The following RPS6KA2 variants were observed in gnomAD, a reference collection of about 807,000 sequenced individuals.
The protein encoded by RPS6KA2 is ribosomal protein S6 kinase A2, also known as ribosomal protein S6 kinase alpha-2.
In RPS6KA2, 42 loss-of-function variants were observed where a neutral mutation model predicts 91.8. The observed-to-expected ratio is 0.46, with a 90% CI of 0.36 to 0.59. RPS6KA2 has a LOEUF of 0.59. Ranked by LOEUF, RPS6KA2 falls within the 20% of genes least tolerant of loss-of-function variation. The pLI, the probability that RPS6KA2 is intolerant of heterozygous loss-of-function variation, is 0.00. For missense variants in RPS6KA2, 798 were observed against 978.5 expected, an observed-to-expected ratio of 0.82 and a Z score of 2.46; for synonymous variants, 414 against 393.6, an observed-to-expected ratio of 1.05 and a Z score of -0.61.
rs1250124181 is a variant in RPS6KA2 at position 166,825,566 on chromosome 6, T to TAGC, written c.123+32633_123+32634insGCT. 3.0e-4 allele frequency among the ~76,000 whole-genome samples: 45 copies of TAGC among 151,678 alleles called. 1 individual carries two copies. In the East Asian group the frequency reaches 6.6e-3, roughly 22 times the overall value. ...GCTACTTACCCTAGACTGGGTGGCT[T>TAGC]TTAAACAACAGAAATGTAGTGGTCC... On this transcript the variant is annotated intron_variant, in intron 2 of 21. Transcript: ENST00000503859. This position sits in a 1 kb window ranked among gnomAD's most constrained non-coding sequence, Gnocchi z 4.1.
rs1035860089 is a variant in RPS6KA2, at chr6:166,612,689, G to A, written c.99+14232C>T. On this transcript the variant is annotated intron_variant, in intron 1 of 20. Coordinates refer to ENST00000265678, the MANE Select transcript of RPS6KA2 (RefSeq NM_021135.6). This position sits in a 1 kb window ranked among gnomAD's most constrained non-coding sequence, Gnocchi z 4.3. The stretch of plus-strand genomic sequence containing the variant: ...CGGGCGTCTGTTGTTACCCATGCTC[G>A]GGTAGGAAAATGCTGAGTGAAGGTA... Among the ~76,000 whole-genome samples the A allele has an allele frequency of 2.6e-5, 4 of 152,126 alleles. No individual in the cohort carries two copies. Among genetic ancestry groups the A allele is most frequent in the Non-Finnish European group, 5.9e-5 (4 of 68,016 alleles).
exon 1 of RPS6KA2, chr6:166,862,300 C>G (rs551373557): frequency 6.4e-7 from 1 of 1,559,522 alleles, no homozygotes. Flanking sequence ...CGGCGGGTGG[C>G]GGCGATGGAG....
At chr6:166,706,061 G>T (rs1789671574) in intron 2 of RPS6KA2, among the ~76,000 whole-genome samples, 1 of 152,172 alleles carries the variant, frequency 6.6e-6, no homozygotes, top group South Asian at 2.1e-4. Flanking sequence ...CTGGATCTGT[G>T]GGTTCCTCGA....
chr6:166,635,645 C>A lies in RPS6KA2; in HGVS notation c.124-96861G>T, dbSNP rs541522083. 2.0e-5 allele frequency among the ~76,000 whole-genome samples: 3 copies of A among 152,102 alleles called. No individual in the cohort carries two copies. The highest frequency in any genetic ancestry group is 6.5e-5 in the Admixed American group (1 of 15,280). ...GGGTGCTAGGTCACATGGTAGAGAGCCCCATGGAGTTTACCCCAGAAGAGG... is the reference window on the plus strand; with the variant it reads ...GGGTGCTAGGTCACATGGTAGAGAGACCCATGGAGTTTACCCCAGAAGAGG... On this transcript the variant is annotated intron_variant, in intron 2 of 21. Transcript: ENST00000503859. The surrounding 1 kb of genome is among the most constrained non-coding windows in gnomAD (Gnocchi z 4.8).
At chr6:166,455,446 G>A (rs951515788) in intron 12 of RPS6KA2, among the ~76,000 whole-genome samples, 3 of 152,292 alleles carry the variant, frequency 2.0e-5, no homozygotes, top group Middle Eastern at 3.4e-3. Context: ...TGAACCAAGA[G>A]GCAGCTAGAG....
chr6:166,848,711 G>A (rs9459775), intron 2 of RPS6KA2, among the ~76,000 whole-genome samples: 21,868 of 151,740 alleles, frequency 0.14, 1,692 homozygotes, highest in African/African-American at 0.17. Context: ...ATGAGAACAC[G>A]AAGGCATAAG....
chr6:166,440,534 GAACT>G, intron 14 of RPS6KA2, among the ~76,000 whole-genome samples: 1 of 152,288 alleles, frequency 6.6e-6, no homozygotes, highest in South Asian at 2.1e-4. Flanking sequence ...TTTCTAAACA[GAACT>G]AATATCAGAA....
chr6:166,470,627 A>G lies in RPS6KA2; in HGVS notation c.908-722T>C, dbSNP rs567558405. Among the ~76,000 whole-genome samples, 248 of 152,284 alleles carry G rather than the reference A, an allele frequency of 1.6e-3. 1 individual carries two copies. Among genetic ancestry groups the G allele is most frequent in the African/African-American group, 5.9e-3 (245 of 41,554 alleles). Reference sequence around the variant, plus strand: ...AGCATGATTCCCTAACGGTGGATACATGTCCACTCATCTGCCAGAAATCGC... The same window carrying G: ...AGCATGATTCCCTAACGGTGGATACGTGTCCACTCATCTGCCAGAAATCGC... On this transcript the variant is annotated intron_variant, in intron 10 of 20. Transcript: ENST00000265678.
chr6:166,465,105 G>A (rs191175305), intron 11 of RPS6KA2, among the ~76,000 whole-genome samples: 3 of 152,286 alleles, frequency 2.0e-5, no homozygotes, highest in Admixed American at 6.5e-5. Context: ...CCTGAGGCAA[G>A]CCATTGGGTG....
At chr6:166,604,165 C>G (rs1312967638) in intron 1 of RPS6KA2, among the ~76,000 whole-genome samples, 1 of 152,212 alleles carries the variant, frequency 6.6e-6, no homozygotes, top group African/African-American at 2.4e-5. Context: ...TCTGGACCAG[C>G]ACATTCCCCT....
chr6:166,805,147 A>G (rs1779459183), intron 2 of RPS6KA2, among the ~76,000 whole-genome samples: 2 of 152,232 alleles, frequency 1.3e-5, no homozygotes, highest in Non-Finnish European at 2.9e-5. Context: ...AATTATGGTT[A>G]CATTTGGTCA....
chr6:166,718,340 G>T (rs6456108), intron 2 of RPS6KA2, among the ~76,000 whole-genome samples: 137,562 of 152,188 alleles, frequency 0.9, 62,259 homozygotes, highest in East Asian at 0.96. Flanking sequence ...CAGTGCCGAT[G>T]TAGGAAATAA....
chr6:166,796,380 A>G (rs1779224510), intron 2 of RPS6KA2, among the ~76,000 whole-genome samples: 1 of 152,080 alleles, frequency 6.6e-6, no homozygotes, highest in Admixed American at 6.6e-5. Context: ...CACGAGGTCA[A>G]GAGATAGAGA....
intron 2 of RPS6KA2, among the ~76,000 whole-genome samples, chr6:166,792,978 C>G (rs1359763991): frequency 6.6e-6 from 1 of 151,948 alleles, no homozygotes; most frequent in Non-Finnish European, 1.5e-5. Context: ...CACTCCTAGT[C>G]AACATAGTGT....
Position 166,666,913 on chromosome 6 carries a change from C to T in RPS6KA2, c.124-128129G>A, listed in dbSNP as rs1429412682. 6.6e-6 allele frequency among the ~76,000 whole-genome samples: 1 copy of T among 152,134 alleles called. No individual in the cohort carries two copies. Among genetic ancestry groups the T allele is most frequent in the Non-Finnish European group, 1.5e-5 (1 of 68,026 alleles). On this transcript the variant is annotated intron_variant, in intron 2 of 21. Coordinates refer to the RPS6KA2 transcript ENST00000503859. The surrounding 1 kb of genome is among the most constrained non-coding windows in gnomAD (Gnocchi z 4.0). Reference sequence around the variant, plus strand: ...GATGGGTAGCAGAGTGCGGTGTAGGCACACAATGGAAGGAAATGACGACGC... The same window carrying T: ...GATGGGTAGCAGAGTGCGGTGTAGGTACACAATGGAAGGAAATGACGACGC...
intron 1 of RPS6KA2, among the ~76,000 whole-genome samples, chr6:166,549,273 C>T (rs1783924324): frequency 6.6e-6 from 1 of 152,162 alleles, no homozygotes; most frequent in Admixed American, 6.5e-5. Flanking sequence ...CAGTGTCTTA[C>T]AAAACAAAAC....
At chr6:166,700,016 C>A (rs1379533445) in intron 2 of RPS6KA2, among the ~76,000 whole-genome samples, 1 of 152,202 alleles carries the variant, frequency 6.6e-6, no homozygotes, top group African/African-American at 2.4e-5. Flanking sequence ...AACTAAGCAT[C>A]CTGTAAGACA....
intron 11 of RPS6KA2, among the ~76,000 whole-genome samples, chr6:166,469,568 G>A (rs959483453): frequency 3.3e-5 from 5 of 152,138 alleles, no homozygotes; most frequent in Non-Finnish European, 5.9e-5. Context: ...CAGAAGCCTC[G>A]ACTCTGATGG....
chr6:166,486,347 G>A lies in RPS6KA2; in HGVS notation c.907+2486C>T, dbSNP rs1463047392. Among the ~76,000 whole-genome samples, 5 of 152,198 alleles carry A rather than the reference G, an allele frequency of 3.3e-5. 1 individual carries two copies. The highest frequency in any genetic ancestry group is 7.3e-5 in the Non-Finnish European group (5 of 68,034). On this transcript the variant is annotated intron_variant, in intron 10 of 20. Transcript: ENST00000265678. Reference sequence around the variant, plus strand: ...AGCATGGGCCCTCTGTCCTGATCAGGCGTCCTCCCCTCTGGTCCTGAGTGC... The same window carrying A: ...AGCATGGGCCCTCTGTCCTGATCAGACGTCCTCCCCTCTGGTCCTGAGTGC...
Sources: allele counts gnomAD v4.1 joint callset (sites outside exome capture counted in the v4.1 genomes callset), GRCh38; gene constraint gnomAD v4.1.1; non-coding constraint Gnocchi (gnomAD v3.1); transcripts MANE v1.5; gene names NCBI Gene and HGNC (gene_info 2026-07-23, HGNC 2026-07-21).